The following PPM1D variants were observed in gnomAD, a reference collection of about 807,000 sequenced individuals.
PPM1D encodes the protein protein phosphatase 1D.
In PPM1D, 52 loss-of-function variants were observed where a neutral mutation model predicts 58.3. The ratio of observed to expected loss-of-function variants is 0.89; its 90% confidence interval spans 0.71 to 1.12. The LOEUF (loss-of-function observed/expected upper bound fraction) is 1.12. PPM1D is among the 50% of genes most tolerant of loss of function. The pLI is 0.00. For synonymous variants in PPM1D, 278 were observed against 285.1 expected, an observed-to-expected ratio of 0.98 and a Z score of 0.25; for missense variants, 564 against 777.2, an observed-to-expected ratio of 0.73 and a Z score of 3.26.
chr17:60,642,817 A>G (rs1598409346), intron 3 of PPM1D, among the ~76,000 whole-genome samples: 1 of 152,096 alleles, frequency 6.6e-6, no homozygotes, highest in Non-Finnish European at 1.5e-5. Flanking sequence ...CTGTAATCCC[A>G]GCACTTTGGA....
chr17:60,628,675 T>C (rs963430062), intron 2 of PPM1D, among the ~76,000 whole-genome samples: 2 of 152,316 alleles, frequency 1.3e-5, no homozygotes, highest in Middle Eastern at 3.4e-3. Flanking sequence ...CACTGAGTTA[T>C]ACAGATCTTG....
At chr17:60,626,252 A>C (rs2030805190) in intron 2 of PPM1D, among the ~76,000 whole-genome samples, 1 of 152,126 alleles carries the variant, frequency 6.6e-6, no homozygotes. Flanking sequence ...ATTGATAACT[A>C]TTTGTCTCTA....
At chr17:60,624,000 A>G (rs1206557261) in intron 2 of PPM1D, among the ~76,000 whole-genome samples, 1 of 152,240 alleles carries the variant, frequency 6.6e-6, no homozygotes, top group South Asian at 2.1e-4. Flanking sequence ...AAACAATTCA[A>G]GGTTTTACTG....
intron 3 of PPM1D, among the ~76,000 whole-genome samples, chr17:60,646,220 G>A (rs2031248741): frequency 6.6e-6 from 1 of 152,188 alleles, no homozygotes; most frequent in African/African-American, 2.4e-5. Context: ...GTGCTTGCAT[G>A]TATTCTGTTT....
intron 1 of PPM1D, among the ~76,000 whole-genome samples, chr17:60,614,195 C>T (rs976433513): frequency 6.6e-5 from 10 of 152,268 alleles, no homozygotes; most frequent in South Asian, 2.1e-4. Flanking sequence ...TTTGTAAACA[C>T]GCCAGTCAGC....
At chr17:60,661,506 G>T (rs1197694029) in intron 5 of PPM1D, among the ~76,000 whole-genome samples, 2 of 152,094 alleles carry the variant, frequency 1.3e-5, no homozygotes, top group African/African-American at 4.8e-5. Flanking sequence ...TTCTTATCTG[G>T]AGGTGAGCGG....
intron 4 of PPM1D, among the ~76,000 whole-genome samples, chr17:60,650,058 A>G (rs1420530095): frequency 1.3e-5 from 2 of 152,258 alleles, no homozygotes; most frequent in African/African-American, 4.8e-5. Flanking sequence ...TTTATGAACC[A>G]TAAAGTGTTT....
intron 4 of PPM1D, among the ~76,000 whole-genome samples, chr17:60,653,064 A>G (rs1020228466): frequency 8.5e-5 from 13 of 152,088 alleles, no homozygotes; most frequent in Non-Finnish European, 8.8e-5. Flanking sequence ...TGCAAAAATT[A>G]TTTGCCCAGA....
Position 60,645,522 on chromosome 17 carries a change from G to GTATATA in PPM1D, c.827-2364_827-2359dup, listed in dbSNP as rs200672148. ...TGTATATATATATGTGTATATATATGTATATATATATGTGTATATATATGT... is the reference window on the plus strand; with the variant it reads ...TGTATATATATATGTGTATATATATGTATATATATATATATATGTGTATATATATGT... On this transcript the variant is annotated intron_variant, in intron 3 of 5. Coordinates refer to ENST00000305921, the MANE Select transcript of PPM1D (RefSeq NM_003620.4). Among the ~76,000 whole-genome samples the GTATATA allele has an allele frequency of 1.0e-4, 13 of 124,212 alleles. No homozygotes were observed. In the East Asian group the frequency reaches 2.0e-3, roughly 19 times the overall value. 81.5% of individuals were successfully genotyped at this position (124,212 alleles called of 152,430 possible).
intron 1 of PPM1D, among the ~76,000 whole-genome samples, chr17:60,614,463 A>G (rs1018094244): frequency 1.4e-4 from 21 of 152,182 alleles, no homozygotes; most frequent in African/African-American, 3.9e-4. Flanking sequence ...AAACGGACCA[A>G]TCAGTTCTCT....
intron 1 of PPM1D, among the ~76,000 whole-genome samples, chr17:60,610,657 A>G (rs2030436014): frequency 6.6e-6 from 1 of 152,224 alleles, no homozygotes; most frequent in African/African-American, 2.4e-5. Context: ...ATTTGTTTAT[A>G]CAATGTCTGT....
chr17:60,606,732 C>T (rs1172908765), intron 1 of PPM1D, among the ~76,000 whole-genome samples: 2 of 152,050 alleles, frequency 1.3e-5, no homozygotes, highest in Non-Finnish European at 2.9e-5. Flanking sequence ...TTTTAAATGG[C>T]TTATTTTTGT....
chr17:60,617,638 A>T (rs765386178), intron 1 of PPM1D, among the ~76,000 whole-genome samples: 2 of 152,204 alleles, frequency 1.3e-5, no homozygotes, highest in African/African-American at 4.8e-5. Flanking sequence ...AACATACAGT[A>T]TACTCTAGGC....
intron 3 of PPM1D, among the ~76,000 whole-genome samples, chr17:60,636,640 G>A (rs780319072): frequency 5.9e-5 from 9 of 152,062 alleles, no homozygotes; most frequent in Non-Finnish European, 1.0e-4. Flanking sequence ...GAGTGTCTGG[G>A]GCCACAGAAT....
Position 60,656,995 on chromosome 17 carries a change from A to G in PPM1D, c.1260+154A>G, listed in dbSNP as rs574973503. 1.4e-5 allele frequency: 21 copies of G among 1,551,538 alleles called. No homozygotes were observed. In the South Asian group the frequency reaches 2.2e-4, roughly 16 times the overall value. ...CTTATTATCAGAGAGCCATCTTTAC[A>G]TCAATACTAATCTGAATGCCAGCCA... On this transcript the variant is annotated intron_variant, in intron 5 of 5. Transcript: ENST00000305921.
intron 1 of PPM1D, among the ~76,000 whole-genome samples, chr17:60,611,335 T>C (rs1567964924): frequency 6.6e-6 from 1 of 152,204 alleles, no homozygotes; most frequent in Admixed American, 6.5e-5. Flanking sequence ...TTTCTTTTTA[T>C]GAAATACCTT....
At chr17:60,657,957 T>C (rs2031469001) in intron 5 of PPM1D, among the ~76,000 whole-genome samples, 1 of 152,174 alleles carries the variant, frequency 6.6e-6, no homozygotes, top group South Asian at 2.1e-4. Flanking sequence ...TCCAAGCTGG[T>C]CTTGAACTCC....
chr17:60,608,646 C>T (rs2030383511), intron 1 of PPM1D, among the ~76,000 whole-genome samples: 1 of 152,136 alleles, frequency 6.6e-6, no homozygotes, highest in Admixed American at 6.5e-5. Flanking sequence ...TAAGCCCCTT[C>T]TCTCTGTGTC....
At chr17:60,647,393 A>G (rs1374805360) in intron 3 of PPM1D, among the ~76,000 whole-genome samples, 1 of 152,198 alleles carries the variant, frequency 6.6e-6, no homozygotes. Flanking sequence ...GCTATCATAT[A>G]GAAATACGTT....
Sources: gnomAD v4.1 joint callset for allele counts (sites outside exome capture counted in the v4.1 genomes callset) on GRCh38, gnomAD v4.1.1 for gene constraint, MANE v1.5 for transcripts, NCBI Gene and HGNC (gene_info 2026-07-23, HGNC 2026-07-21) for gene names.